ATP8B1: variants seen among roughly 807,000 people sequenced by gnomAD.
ATP8B1 encodes the protein phospholipid-transporting ATPase IC.
A neutral mutation model predicts 149.9 loss-of-function variants in ATP8B1; 80 were observed. The ratio of observed to expected loss-of-function variants is 0.53; its 90% CI spans 0.45 to 0.64. ATP8B1 has a LOEUF of 0.64. ATP8B1 is among the 30% of genes least tolerant of loss of function. The pLI, the probability that ATP8B1 is intolerant of heterozygous loss-of-function variation, is 0.00. For missense variants in ATP8B1, 1,247 were observed against 1,552.6 expected (o/e 0.80, Z 3.31); for synonymous variants, 536 against 562.8 (o/e 0.95, Z 0.67).
intron 15 of ATP8B1, among the ~76,000 whole-genome samples, chr18:57,681,805 CACAA>C (rs1346620889): frequency 6.6e-6 from 1 of 151,834 alleles, no homozygotes; most frequent in Admixed American, 6.6e-5. Flanking sequence ...GTCTCAAAAA[CACAA>C]AACAAAACTT....
chr18:57,697,789 A>G lies in ATP8B1; in HGVS notation c.627+6T>C. The G allele has an allele frequency of 6.2e-7, 1 of 1,613,370 alleles. No homozygotes were observed. Among genetic ancestry groups the G allele is most frequent in the Non-Finnish European group, 8.5e-7 (1 of 1,179,434 alleles). On this transcript the variant is annotated splice_donor_region_variant and intron_variant, in intron 7 of 27. Coordinates refer to ENST00000648908, the MANE Select transcript of ATP8B1 (RefSeq NM_001374385.1). Reference sequence around the variant, plus strand: ...GGAACAAGAGAAGCAGAATTTGTTCACTTACTGGAACAAAATCATTTTTTT... The same window carrying G: ...GGAACAAGAGAAGCAGAATTTGTTCGCTTACTGGAACAAAATCATTTTTTT...
chr18:57,738,352 G>A (rs7231309), intron 1 of ATP8B1, among the ~76,000 whole-genome samples: 20,374 of 152,228 alleles, frequency 0.13, 1,649 homozygotes, highest in South Asian at 0.26. Flanking sequence ...GACCGGATGC[G>A]GTGGCTCACG....
At chr18:57,730,475 T>C (rs2079751304) in intron 2 of ATP8B1, among the ~76,000 whole-genome samples, 1 of 152,194 alleles carries the variant, frequency 6.6e-6, no homozygotes, top group Non-Finnish European at 1.5e-5. Flanking sequence ...TTCAGCCTGA[T>C]ATCAAATCTG....
chr18:57,758,518 C>A (rs1396767059), intron 1 of ATP8B1, among the ~76,000 whole-genome samples: 5 of 151,706 alleles, frequency 3.3e-5, no homozygotes, highest in African/African-American at 1.2e-4. Flanking sequence ...CACAGTGGTG[C>A]ATGCCTGTAA....
In ATP8B1 at chr18:57,648,051, A is replaced by G. The variant is rs981717390; in HGVS notation, c.*437T>C. The G allele has an allele frequency of 2.6e-5, 8 of 312,082 alleles. No individual in the cohort carries two copies. Among genetic ancestry groups the G allele is most frequent in the Admixed American group, 4.4e-5 (1 of 22,608 alleles). The allele number at this position is 312,082 out of a possible 1,614,324, so 19.3% of individuals were successfully genotyped here. Reference sequence around the variant, plus strand: ...ACCCAGGCTGGAGTGCAGTGGCGCAATCTCGGCTCACTGTAACCTCCATCT... The same window carrying G: ...ACCCAGGCTGGAGTGCAGTGGCGCAGTCTCGGCTCACTGTAACCTCCATCT... On this transcript the variant is annotated 3_prime_UTR_variant, in exon 28 of 28. Coordinates refer to ENST00000648908, the MANE Select transcript of ATP8B1 (RefSeq NM_001374385.1).
chr18:57,655,754 C>CA (rs1909954496), intron 22 of ATP8B1, among the ~76,000 whole-genome samples: 3 of 152,218 alleles, frequency 2.0e-5, no homozygotes, highest in African/African-American at 7.2e-5. Context: ...TACACTGTGT[C>CA]CTTGCCTCTT....
intron 1 of ATP8B1, among the ~76,000 whole-genome samples, chr18:57,787,731 C>T (rs891321882): frequency 7.9e-5 from 12 of 152,138 alleles, no homozygotes; most frequent in African/African-American, 2.4e-4. Context: ...GTTTGTCAAA[C>T]CTCAGGGGTT....
At chr18:57,790,192 G>C (rs187771790) in intron 1 of ATP8B1, among the ~76,000 whole-genome samples, 24 of 151,860 alleles carry the variant, frequency 1.6e-4, no homozygotes, top group African/African-American at 5.6e-4. Flanking sequence ...CTACCTTCCA[G>C]TTCTCATCCC....
intron 15 of ATP8B1, among the ~76,000 whole-genome samples, chr18:57,677,560 C>A (rs1275313047): frequency 1.3e-5 from 2 of 152,122 alleles, no homozygotes. Context: ...CACCTTCCTT[C>A]CTTCCTTCAC....
intron 1 of ATP8B1, among the ~76,000 whole-genome samples, chr18:57,794,225 G>T (rs1417214059): frequency 6.6e-6 from 1 of 152,022 alleles, no homozygotes; most frequent in Non-Finnish European, 1.5e-5. Context: ...AATTTTCAGG[G>T]CACAGTGTGA....
At chr18:57,713,175 C>CT (rs1223422799) in intron 2 of ATP8B1, among the ~76,000 whole-genome samples, 1 of 67,128 alleles carries the variant, frequency 1.5e-5, no homozygotes, top group African/African-American at 5.7e-5. Context: ...TTCTTTCTTT[C>CT]TTTCTTTCTT....
intron 1 of ATP8B1, among the ~76,000 whole-genome samples, chr18:57,774,043 T>G (rs1372778944): frequency 6.6e-6 from 1 of 152,122 alleles, no homozygotes; most frequent in Non-Finnish European, 1.5e-5. Flanking sequence ...AAACCCAAAA[T>G]CTACCTGCTC....
intron 1 of ATP8B1, among the ~76,000 whole-genome samples, chr18:57,762,141 AT>A (rs11300223): frequency 0.25 from 31,281 of 126,586 alleles, 3,432 homozygotes; most frequent in Admixed American, 0.31. Context: ...ATATATATAT[AT>A]TTTTTTTTTC....
intron 1 of ATP8B1, among the ~76,000 whole-genome samples, chr18:57,770,190 T>G (rs1055716371): frequency 1.3e-5 from 2 of 151,370 alleles, no homozygotes; most frequent in Admixed American, 6.6e-5. Context: ...TGCCTCAGCC[T>G]CCTGAGTAGC....
At chr18:57,673,025 G>GTA (rs368013506) in intron 16 of ATP8B1, among the ~76,000 whole-genome samples, 12 of 63,934 alleles carry the variant, frequency 1.9e-4, no homozygotes, top group Admixed American at 2.1e-4. Context: ...ATAAATATAT[G>GTA]TATATATATA....
intron 2 of ATP8B1, among the ~76,000 whole-genome samples, chr18:57,725,738 TA>T (rs1267964859): frequency 1.3e-5 from 2 of 152,180 alleles, no homozygotes; most frequent in African/African-American, 4.8e-5. Context: ...ACATCCTTAG[TA>T]AACTTGTTTT....
Position 57,717,050 on chromosome 18 carries a change from A to C in ATP8B1, c.182-10463T>G, listed in dbSNP as rs573305479. Among the ~76,000 whole-genome samples the C allele has an allele frequency of 1.5e-3, 231 of 152,336 alleles. 2 individuals carry two copies. Among genetic ancestry groups the C allele is most frequent in the African/African-American group, 5.2e-3 (218 of 41,578 alleles). On this transcript the variant is annotated intron_variant, in intron 2 of 27. Coordinates refer to ENST00000648908, the MANE Select transcript of ATP8B1 (RefSeq NM_001374385.1). ...GAAACTATACAAAAACATGGAAATT[A>C]AACAATATGTTCCTAAATGACCAGT...
In ATP8B1 at chr18:57,749,425, ACT is replaced by A. The variant is rs544881951; in HGVS notation, c.-25-17595_-25-17594del. On this transcript the variant is annotated intron_variant, in intron 1 of 27. Transcript: ENST00000648908. The stretch of plus-strand genomic sequence containing the variant: ...CTGCATCTCCTATAAAGAGAAAATG[ACT>A]CTCTTGAATGCAACTGGACTCCAAT... Among the ~76,000 whole-genome samples, 25 of 152,230 alleles carry A rather than the reference ACT, an allele frequency of 1.6e-4. 1 individual carries two copies. In the East Asian group the frequency reaches 4.6e-3, roughly 28 times the overall value.
intron 1 of ATP8B1, among the ~76,000 whole-genome samples, chr18:57,747,681 T>G (rs561509505): frequency 1.3e-5 from 2 of 152,314 alleles, no homozygotes; most frequent in East Asian, 3.9e-4. Flanking sequence ...ATTAGGGCAC[T>G]TACTTGGTAT....
Sources: gnomAD v4.1 joint callset for allele counts (sites outside exome capture counted in the v4.1 genomes callset) on GRCh38, gnomAD v4.1.1 for gene constraint, MANE v1.5 for transcripts, NCBI Gene and HGNC (gene_info 2026-07-23, HGNC 2026-07-21) for gene names.